Variants in MCM6 observed in about 807,000 individuals in gnomAD.
MCM6 encodes DNA replication licensing factor MCM6.
In MCM6, 46 loss-of-function variants were observed where a neutral mutation model predicts 94.3. The ratio of observed to expected loss-of-function variants is 0.49; its 90% CI spans 0.39 to 0.62. MCM6 has a LOEUF of 0.62. Ranked by LOEUF, MCM6 falls within the 20% of genes least tolerant of loss-of-function variation. The probability of loss-of-function intolerance (pLI) is 0.00; values close to 1 mark genes in which losing one functional copy is unlikely to be tolerated. For missense variants in MCM6, 865 were observed against 1,017.9 expected (o/e 0.85, Z 2.04); for synonymous variants, 335 against 351.9 (o/e 0.95, Z 0.54).
At chr2:135,843,622 C>T (rs1227399219) in intron 16 of MCM6, among the ~76,000 whole-genome samples, 1 of 150,612 alleles carries the variant, frequency 6.6e-6, no homozygotes, top group East Asian at 2.0e-4. Flanking sequence ...CGCCTGTAAT[C>T]CTACTTGGGA....
intron 16 of MCM6, among the ~76,000 whole-genome samples, chr2:135,841,630 G>A (rs1007609900): frequency 6.6e-6 from 1 of 152,152 alleles, no homozygotes; most frequent in South Asian, 2.1e-4. Context: ...GCCACTAAGG[G>A]GGACTGGACA....
At chr2:135,847,140 G>GT (rs1679685872) in intron 14 of MCM6, among the ~76,000 whole-genome samples, 1 of 152,128 alleles carries the variant, frequency 6.6e-6, no homozygotes, top group Non-Finnish European at 1.5e-5. Context: ...TGGGAGGAAC[G>GT]TGAGGGATCA....
At position 135,840,025 on chromosome 2, in the gene MCM6, G is replaced by A. The variant is rs1436277111; in HGVS notation, c.*810C>T. The A allele has an allele frequency of 6.6e-6, 1 of 152,086 alleles. No individual in the cohort carries two copies. 9.4% of individuals were successfully genotyped at this position (152,086 alleles called of 1,614,324 possible). The stretch of plus-strand genomic sequence containing the variant: ...CATACTGATCATAGCTAAGTCTCAG[G>A]AACTGTTAGTATCATAAACGGTAAT... On this transcript the variant is annotated 3_prime_UTR_variant, in exon 17 of 17. Coordinates refer to ENST00000264156, the MANE Select transcript of MCM6 (RefSeq NM_005915.6).
chr2:135,876,111 G>C (rs955110016), intron 1 of MCM6, 148 bp downstream of exon 1: 2 of 574,378 alleles, frequency 3.5e-6, no homozygotes, highest in African/African-American at 2.0e-5. Flanking sequence ...CGCCGGGCTC[G>C]GAGCCTAAAG....
intron 11 of MCM6, among the ~76,000 whole-genome samples, chr2:135,855,428 G>C (rs573951439): frequency 6.6e-6 from 1 of 152,304 alleles, no homozygotes; most frequent in South Asian, 2.1e-4. Context: ...CTATTCAGGA[G>C]GCTGAGGTGG....
At chr2:135,843,733 A>G (rs74717979) in intron 16 of MCM6, among the ~76,000 whole-genome samples, 1 of 136,726 alleles carries the variant, frequency 7.3e-6, no homozygotes, top group African/African-American at 3.3e-5. Flanking sequence ...TCTGTCTCAA[A>G]AAAAAAAAAA....
At chr2:135,869,140 C>A (rs1206174527) in intron 3 of MCM6, among the ~76,000 whole-genome samples, 1 of 152,126 alleles carries the variant, frequency 6.6e-6, no homozygotes, top group East Asian at 1.9e-4. Context: ...CAGTGACTCA[C>A]ACCTGTAATC....
intron 11 of MCM6, among the ~76,000 whole-genome samples, chr2:135,853,366 C>T (rs1163270893): frequency 6.6e-6 from 1 of 152,128 alleles, no homozygotes; most frequent in South Asian, 2.1e-4. Context: ...ATCACTTGAG[C>T]CCAGGAGGTT....
rs1333108593 is a variant in MCM6, at chr2:135,866,098, T to C, written c.927+34A>G. 5.6e-6 allele frequency: 9 copies of C among 1,611,744 alleles called. No individual in the cohort carries two copies. In the Admixed American group the frequency reaches 1.5e-4, roughly 27 times the overall value. On this transcript the variant is annotated intron_variant, in intron 6 of 16. Transcript: ENST00000264156. ...GCCTGGGTGACAGAGAGAGACTGTT[T>C]CAAAAACAAACAAAAACCCCCAAAA...
At chr2:135,874,552 TA>T (rs1467415899) in intron 1 of MCM6, among the ~76,000 whole-genome samples, 2 of 152,182 alleles carry the variant, frequency 1.3e-5, no homozygotes, top group African/African-American at 2.4e-5. Context: ...TTATTCACAA[TA>T]GACAAAAGGT....
chr2:135,865,506 C>T (rs1445999490), intron 6 of MCM6, among the ~76,000 whole-genome samples: 1 of 152,152 alleles, frequency 6.6e-6, no homozygotes, highest in Non-Finnish European at 1.5e-5. Context: ...ATTTTCCAAA[C>T]TCCCATTTAT....
At chr2:135,869,480 A>G (rs1013808343) in intron 3 of MCM6, among the ~76,000 whole-genome samples, 1 of 145,640 alleles carries the variant, frequency 6.9e-6, no homozygotes, top group Admixed American at 6.8e-5. Flanking sequence ...CGCAATTTCT[A>G]AAAAAAAAAG....
intron 15 of MCM6, among the ~76,000 whole-genome samples, chr2:135,845,334 CTG>C (rs1255697775): frequency 1.3e-5 from 2 of 152,174 alleles, no homozygotes; most frequent in African/African-American, 4.8e-5. Context: ...TCAACTTCTG[CTG>C]TGTTTAAAAC....
chr2:135,843,351 T>C (rs1035782744), intron 16 of MCM6, among the ~76,000 whole-genome samples: 1 of 152,090 alleles, frequency 6.6e-6, no homozygotes, highest in African/African-American at 2.4e-5. Context: ...GACATAAATG[T>C]GGAAGTCATC....
chr2:135,859,531 A>T (rs1206829461), intron 8 of MCM6, 89 bp from the exon 9 acceptor site: 3 of 875,244 alleles, frequency 3.4e-6, no homozygotes, highest in Non-Finnish European at 5.2e-6. Context: ...TAAATTACTG[A>T]AAGAACATTT....
rs1312200601 is a variant in MCM6, at chr2:135,862,635, G to A, written c.1192C>T (p.Pro398Ser). 1.2e-6 allele frequency: 2 copies of A among 1,614,014 alleles called. No individual in the cohort carries two copies. Among genetic ancestry groups the A allele is most frequent in the East Asian group, 2.2e-5 (1 of 44,870 alleles). ...AGAAATTGGCTCTTAGCTGTACTTG[G>A]GTCACCAACAATGCAAACATTTATG... ...GDINVCIVGD[P>S]STAKSQFLKH... Residue 398 changes from proline to serine, a missense_variant, in exon 8 of 17, where the codon CCA becomes TCA. By Grantham distance (74) the Pro-to-Ser change is moderately conservative (BLOSUM62 -1). Transcript: ENST00000264156.
At chr2:135,854,070 T>C (rs1048301346) in intron 11 of MCM6, among the ~76,000 whole-genome samples, 22 of 152,022 alleles carry the variant, frequency 1.4e-4, no homozygotes, top group Admixed American at 1.3e-3. Context: ...CTACAAAAAA[T>C]ACAAAAGTTA....
chr2:135,849,251 C>T (rs2105575367), intron 13 of MCM6, among the ~76,000 whole-genome samples: 1 of 152,288 alleles, frequency 6.6e-6, no homozygotes, highest in Admixed American at 6.5e-5. Context: ...ACATGGCTCA[C>T]CACCTTCTCT....
At chr2:135,860,501 G>A (rs1303874913) in intron 8 of MCM6, among the ~76,000 whole-genome samples, 1 of 152,118 alleles carries the variant, frequency 6.6e-6, no homozygotes, top group African/African-American at 2.4e-5. Flanking sequence ...AGAAGGTCTT[G>A]CAATTAAAAA....
Sources: allele counts gnomAD v4.1 joint callset (sites outside exome capture counted in the v4.1 genomes callset), GRCh38; gene constraint gnomAD v4.1.1; transcripts MANE v1.5; gene names NCBI Gene and HGNC (gene_info 2026-07-23, HGNC 2026-07-21).